The following FSTL1 variants were observed in gnomAD, a reference collection of about 807,000 sequenced individuals.
FSTL1 encodes the protein follistatin-related protein 1.
A neutral mutation model predicts 45.9 loss-of-function variants in FSTL1; 24 were observed. That is an observed-to-expected ratio of 0.52 (90% CI 0.38 to 0.74). The LOEUF is 0.74. FSTL1 is among the 30% of genes least tolerant of loss of function. The probability of loss-of-function intolerance (pLI) is 0.00; values close to 1 mark genes in which losing one functional copy is unlikely to be tolerated. For synonymous variants in FSTL1, 120 were observed against 137.6 expected (o/e 0.87, Z 0.89); for missense variants, 340 against 381.8 (o/e 0.89, Z 0.91).
At chr3:120,434,987 G>A (rs559059992) in intron 2 of FSTL1, among the ~76,000 whole-genome samples, 1 of 152,312 alleles carries the variant, frequency 6.6e-6, no homozygotes, top group Admixed American at 6.5e-5. Context: ...GGGAGGTTGA[G>A]TCAGGGAGCT....
rs577181125 is a variant in FSTL1 at position 120,395,775 on chromosome 3, A to G, written c.*1177T>C. ...ACTTATCAAATCAAAAGGTTAGTGCATTCTTACCAGCTCACTGAGGAAACT... is the reference window on the plus strand; with the variant it reads ...ACTTATCAAATCAAAAGGTTAGTGCGTTCTTACCAGCTCACTGAGGAAACT... On this transcript the variant is annotated 3_prime_UTR_variant, in exon 11 of 11. Coordinates refer to ENST00000295633, the MANE Select transcript of FSTL1 (RefSeq NM_007085.5). 11 of 525,830 alleles carry G rather than the reference A, an allele frequency of 2.1e-5. No individual in the cohort carries two copies. Among genetic ancestry groups the G allele is most frequent in the Admixed American group, 1.0e-4 (5 of 49,736 alleles). The allele number at this position is 525,830 out of a possible 1,614,324, so 32.6% of individuals were successfully genotyped here.
Position 120,404,973 on chromosome 3 carries a change from T to G in FSTL1, c.463-2A>C. ...GCGAGAATCACCATTATCAAAGTTC[T>G]AGAAAGGGCATGACAAGATCGTTCA... On this transcript the variant is annotated splice_acceptor_variant, in intron 6 of 10. Coordinates refer to ENST00000295633, the MANE Select transcript of FSTL1 (RefSeq NM_007085.5). LOFTEE classifies it high-confidence loss of function. 2 of 1,468,772 alleles carry G rather than the reference T, an allele frequency of 1.4e-6. No homozygotes were observed. Among genetic ancestry groups the G allele is most frequent in the Non-Finnish European group, 1.9e-6 (2 of 1,047,234 alleles). The allele number at this position is 1,468,772 out of a possible 1,614,324, so 91.0% of individuals were successfully genotyped here.
In FSTL1 at chr3:120,396,987, C is replaced by T; in HGVS notation, c.892G>A (p.Glu298Lys). 1 of 1,611,378 alleles carries T rather than the reference C, an allele frequency of 6.2e-7. No homozygotes were observed. Among genetic ancestry groups the T allele is most frequent in the South Asian group, 1.1e-5 (1 of 91,008 alleles). ...QELQKHQETA[E>K]KTKRVSTKEI is the part of the protein sequence containing the mutation. ...TTGGTGCTCACTCTCTTGGTCTTTT[C>T]AGCTGTTTCCTTTGAGATGCAAGAG... Residue 298 changes from glutamate (E) to lysine (K), a missense_variant, in exon 11 of 11, where the codon GAA becomes AAA. Glu to Lys is a moderately conservative substitution (Grantham distance 56, BLOSUM62 1). Coordinates refer to ENST00000295633, the MANE Select transcript of FSTL1 (RefSeq NM_007085.5).
chr3:120,440,604 G>T (rs1222086670), intron 2 of FSTL1, among the ~76,000 whole-genome samples: 1 of 152,208 alleles, frequency 6.6e-6, no homozygotes, highest in Non-Finnish European at 1.5e-5. Flanking sequence ...TGGGCACAAG[G>T]TCTCTTATCC....
intron 6 of FSTL1, among the ~76,000 whole-genome samples, chr3:120,408,821 T>TA (rs1249446643): frequency 6.6e-6 from 1 of 151,946 alleles, no homozygotes; most frequent in Non-Finnish European, 1.5e-5. Flanking sequence ...TGTACCTGTG[T>TA]GTGTGTCTGT....
At chr3:120,399,833 G>T (rs553209646) in intron 10 of FSTL1, 50 bp downstream of exon 10, 6 of 1,240,400 alleles carry the variant, frequency 4.8e-6, no homozygotes, top group Non-Finnish European at 7.0e-6. Flanking sequence ...AATGGTATAG[G>T]GCCTGATGGC....
chr3:120,432,208 T>C (rs1937489656), intron 2 of FSTL1, among the ~76,000 whole-genome samples: 1 of 152,224 alleles, frequency 6.6e-6, no homozygotes, highest in Non-Finnish European at 1.5e-5. Context: ...ACTCTCTTAC[T>C]GCCAGCTTTC....
intron 4 of FSTL1, chr3:120,411,224 C>T: frequency 2.4e-6 from 1 of 418,096 alleles, no homozygotes. Context: ...CATACCTCCT[C>T]CTGTTGCATT....
intron 3 of FSTL1, among the ~76,000 whole-genome samples, chr3:120,412,816 A>G (rs1317672582): frequency 3.1e-5 from 4 of 129,292 alleles, no homozygotes; most frequent in East Asian, 3.4e-4. Context: ...ACACACACAC[A>G]TGTGCGCGCG....
intron 4 of FSTL1, chr3:120,411,459 G>T: frequency 5.2e-6 from 1 of 191,264 alleles, no homozygotes; most frequent in South Asian, 1.2e-4. Context: ...GCAAAATAGA[G>T]GAAACAATAC....
chr3:120,424,175 G>C (rs939394912), intron 2 of FSTL1: 6 of 152,532 alleles, frequency 3.9e-5, no homozygotes, highest in African/African-American at 1.4e-4. Flanking sequence ...AGTGGCTCAA[G>C]CCTGTCATTC....
intron 2 of FSTL1, among the ~76,000 whole-genome samples, chr3:120,440,160 C>T (rs928542513): frequency 6.6e-6 from 1 of 152,182 alleles, no homozygotes; most frequent in Non-Finnish European, 1.5e-5. Flanking sequence ...CCCAAAACTC[C>T]TAAGTCACTG....
intron 2 of FSTL1, chr3:120,421,344 C>A (rs751952816): frequency 2.0e-5 from 3 of 152,120 alleles, no homozygotes; most frequent in Non-Finnish European, 4.4e-5. Context: ...GCTTTGTTGA[C>A]GTGAGAAAGG....
At chr3:120,425,965 C>T (rs909845136) in intron 2 of FSTL1, among the ~76,000 whole-genome samples, 2 of 152,042 alleles carry the variant, frequency 1.3e-5, no homozygotes, top group African/African-American at 4.8e-5. Flanking sequence ...CTTGCATTTG[C>T]CTTGCAAGGA....
At chr3:120,450,808 T>A in intron 1 of FSTL1, 62 bp from the exon 2 acceptor site, 1 of 1,267,806 alleles carries the variant, frequency 7.9e-7, no homozygotes, top group Non-Finnish European at 1.1e-6. Flanking sequence ...CTGGGAAACT[T>A]GCTCGGGTCC....
chr3:120,448,189 C>A lies in FSTL1; in HGVS notation c.63+2495G>T, dbSNP rs114552769. Among the ~76,000 whole-genome samples, 305 of 152,308 alleles carry A rather than the reference C, an allele frequency of 2.0e-3. 3 individuals are homozygous for A. The highest frequency in any genetic ancestry group is 6.8e-3 in the African/African-American group (284 of 41,554). ...AAAAGCAGAAAGCACCAAGAAGCCT[C>A]AATTTATTTTCTAAATTTCATTTCT... On this transcript the variant is annotated intron_variant, in intron 2 of 10. Transcript: ENST00000295633.
At chr3:120,414,168 A>C (rs1937137246) in intron 3 of FSTL1, among the ~76,000 whole-genome samples, 1 of 151,928 alleles carries the variant, frequency 6.6e-6, no homozygotes, top group Non-Finnish European at 1.5e-5. Context: ...TGGCCTCCCA[A>C]AGTGCCGAGA....
intron 3 of FSTL1, among the ~76,000 whole-genome samples, chr3:120,412,831 C>CGT (rs1937093477): frequency 1.6e-5 from 2 of 128,634 alleles, no homozygotes; most frequent in East Asian, 3.1e-4. Flanking sequence ...CGCGCGCGCG[C>CGT]GCGCGCGCAC....
intron 6 of FSTL1, among the ~76,000 whole-genome samples, chr3:120,408,816 C>CCG (rs1936995426): frequency 6.6e-6 from 1 of 151,672 alleles, no homozygotes; most frequent in African/African-American, 2.4e-5. Context: ...TGTGATGTAC[C>CCG]TGTGTGTGTG....
Sources: allele counts gnomAD v4.1 joint callset (sites outside exome capture counted in the v4.1 genomes callset), GRCh38; gene constraint gnomAD v4.1.1; transcripts MANE v1.5; gene names NCBI Gene and HGNC (gene_info 2026-07-23, HGNC 2026-07-21).